NTNG2: variants seen among roughly 807,000 people sequenced by gnomAD.
NTNG2 encodes netrin G2.
In NTNG2, 15 loss-of-function variants were observed where a neutral mutation model predicts 47.6. The ratio of observed to expected loss-of-function variants is 0.32; its 90% CI spans 0.21 to 0.49. The LOEUF (loss-of-function observed/expected upper bound fraction) is 0.49. Ranked by LOEUF, NTNG2 falls within the 20% of genes least tolerant of loss-of-function variation. The pLI is 0.99. For synonymous variants in NTNG2, 307 were observed against 324.6 expected (o/e 0.95, Z 0.58); for missense variants, 578 against 764.6 (o/e 0.76, Z 2.88).
intron 4 of NTNG2, among the ~76,000 whole-genome samples, chr9:132,229,102 C>G (rs1047977629): frequency 6.6e-6 from 1 of 152,078 alleles, no homozygotes; most frequent in Non-Finnish European, 1.5e-5. Flanking sequence ...TGGGAGTCCC[C>G]GGGAATTGCC....
At chr9:132,217,773 G>T (rs1840087078) in intron 3 of NTNG2, among the ~76,000 whole-genome samples, 1 of 152,160 alleles carries the variant, frequency 6.6e-6, no homozygotes, top group Non-Finnish European at 1.5e-5. Context: ...TAGAAAACAG[G>T]CCAAGTGAAA....
At chr9:132,217,120 A>G (rs765426029) in intron 3 of NTNG2, among the ~76,000 whole-genome samples, 5 of 152,220 alleles carry the variant, frequency 3.3e-5, no homozygotes, top group Non-Finnish European at 7.3e-5. Flanking sequence ...CCCTTGACCC[A>G]TCTGAGCCTC....
chr9:132,181,734 A>C (rs1004728509), intron 2 of NTNG2, among the ~76,000 whole-genome samples: 17 of 152,216 alleles, frequency 1.1e-4, no homozygotes, highest in African/African-American at 3.9e-4. Flanking sequence ...ACTCTCACAG[A>C]AGTCTTAAGG....
chr9:132,229,103 G>A (rs902405367), intron 4 of NTNG2, among the ~76,000 whole-genome samples: 3 of 151,996 alleles, frequency 2.0e-5, no homozygotes, highest in East Asian at 1.9e-4. Context: ...GGGAGTCCCC[G>A]GGAATTGCCT....
chr9:132,216,434 G>C (rs866590936), intron 3 of NTNG2, among the ~76,000 whole-genome samples: 17,372 of 127,092 alleles, frequency 0.14, 2,110 homozygotes, highest in African/African-American at 0.28. Flanking sequence ...GTGTATGTGT[G>C]TGTGTGTGTG....
intron 3 of NTNG2, among the ~76,000 whole-genome samples, chr9:132,205,594 A>G (rs1379741261): frequency 6.6e-6 from 1 of 152,164 alleles, no homozygotes; most frequent in Admixed American, 6.5e-5. Flanking sequence ...TAACAATGGT[A>G]AGGTGGCTGG....
At chr9:132,183,445 C>T (rs1215955706) in intron 2 of NTNG2, among the ~76,000 whole-genome samples, 1 of 152,192 alleles carries the variant, frequency 6.6e-6, no homozygotes, top group Non-Finnish European at 1.5e-5. Context: ...TTTGCTCAGT[C>T]GACCTAGAGC....
chr9:132,241,360 G>C (rs1221664878), intron 7 of NTNG2: 2 of 448,702 alleles, frequency 4.5e-6, no homozygotes, highest in African/African-American at 4.2e-5. Context: ...GGAGCTGGCA[G>C]GTGGGCGGGG....
intron 1 of NTNG2, among the ~76,000 whole-genome samples, chr9:132,164,850 C>A (rs1835385446): frequency 6.6e-6 from 1 of 152,172 alleles, no homozygotes; most frequent in Non-Finnish European, 1.5e-5. Context: ...AGCCCTGGGG[C>A]CCTGGCTGGG....
At chr9:132,230,775 C>G (rs1413390157) in intron 5 of NTNG2, among the ~76,000 whole-genome samples, 180 bp downstream of exon 5, 2 of 151,218 alleles carry the variant, frequency 1.3e-5, no homozygotes, top group East Asian at 1.9e-4. Flanking sequence ...CCACCTCCCC[C>G]CCTCCACCCA....
chr9:132,213,255 G>A (rs1839729694), intron 3 of NTNG2, among the ~76,000 whole-genome samples: 1 of 150,562 alleles, frequency 6.6e-6, no homozygotes, highest in African/African-American at 2.4e-5. Flanking sequence ...TTGGGAGGCG[G>A]AGGTTAAAGT....
Position 132,221,877 on chromosome 9 carries a change from A to G in NTNG2, c.858-4972A>G, listed in dbSNP as rs1397756009. Among the ~76,000 whole-genome samples, 1 of 152,202 alleles carries G rather than the reference A, an allele frequency of 6.6e-6. No homozygotes were observed. The highest frequency in any genetic ancestry group is 2.4e-5 in the African/African-American group (1 of 41,442). On this transcript the variant is annotated intron_variant, in intron 3 of 7. Coordinates refer to ENST00000393229, the MANE Select transcript of NTNG2 (RefSeq NM_032536.4). The surrounding 1 kb of genome is among the most constrained non-coding windows in gnomAD (Gnocchi z 4.2). ...TTCGGCCGGTCTTCTATGCATCTTTACTAAGCCAAGGTCAATGTTATCACC... is the reference window on the plus strand; with the variant it reads ...TTCGGCCGGTCTTCTATGCATCTTTGCTAAGCCAAGGTCAATGTTATCACC...
At chr9:132,217,365 T>G (rs1229232556) in intron 3 of NTNG2, among the ~76,000 whole-genome samples, 7 of 152,086 alleles carry the variant, frequency 4.6e-5, no homozygotes, top group African/African-American at 4.8e-5. Flanking sequence ...CTGGGGGAGC[T>G]GTGGGGTGGC....
At chr9:132,190,025 A>T (rs1201620747) in intron 2 of NTNG2, among the ~76,000 whole-genome samples, 1 of 148,332 alleles carries the variant, frequency 6.7e-6, no homozygotes, top group Non-Finnish European at 1.5e-5. Flanking sequence ...TGAGGTCAGG[A>T]GATCGAGACC....
chr9:132,224,008 TC>T (rs1444766025), intron 3 of NTNG2, among the ~76,000 whole-genome samples: 2 of 152,178 alleles, frequency 1.3e-5, no homozygotes, highest in Non-Finnish European at 2.9e-5. Flanking sequence ...GTTCTCCCCT[TC>T]TGGCCCGGCA....
intron 3 of NTNG2, among the ~76,000 whole-genome samples, chr9:132,200,865 G>A (rs893896280): frequency 4.6e-5 from 7 of 152,214 alleles, no homozygotes; most frequent in African/African-American, 1.7e-4. Context: ...TGGAACTGGT[G>A]TCCAGACTTT....
chr9:132,212,163 G>A (rs747072964), intron 3 of NTNG2, among the ~76,000 whole-genome samples: 2 of 152,084 alleles, frequency 1.3e-5, no homozygotes, highest in African/African-American at 2.4e-5. Flanking sequence ...GGCCTCTCTG[G>A]GCTACCACCT....
At chr9:132,199,576 G>A (rs1838583257) in intron 3 of NTNG2, among the ~76,000 whole-genome samples, 1 of 152,204 alleles carries the variant, frequency 6.6e-6, no homozygotes, top group Non-Finnish European at 1.5e-5. Flanking sequence ...TTTACTGGGA[G>A]ATGATGGTAT....
chr9:132,233,796 G>A (rs1047618832), intron 5 of NTNG2: 2 of 152,194 alleles, frequency 1.3e-5, no homozygotes, highest in African/African-American at 2.4e-5. Context: ...GATGGAGGCT[G>A]TTATTTTCCT....
Sources: gnomAD v4.1 joint callset for allele counts (sites outside exome capture counted in the v4.1 genomes callset) on GRCh38, gnomAD v4.1.1 for gene constraint, Gnocchi (gnomAD v3.1) non-coding constraint, MANE v1.5 for transcripts, NCBI Gene and HGNC (gene_info 2026-07-23, HGNC 2026-07-21) for gene names.